RPH3AL: variants seen among roughly 807,000 people sequenced by gnomAD.
RPH3AL encodes the protein rab effector Noc2.
Under a neutral mutation model 43.1 loss-of-function variants are expected in RPH3AL, and 38 were observed. The ratio of observed to expected loss-of-function variants is 0.88; its 90% CI spans 0.68 to 1.15. RPH3AL has a LOEUF of 1.15. RPH3AL is among the 50% of genes most tolerant of loss of function. RPH3AL has a pLI of 0.00. For synonymous variants in RPH3AL, 189 were observed against 176.3 expected (o/e 1.07, Z -0.57); for missense variants, 462 against 423.2 (o/e 1.09, Z -0.81).
intron 7 of RPH3AL, among the ~76,000 whole-genome samples, chr17:229,038 A>G (rs1319575510): frequency 6.6e-6 from 1 of 152,200 alleles, no homozygotes; most frequent in East Asian, 1.9e-4. Context: ...GCAAATTTAA[A>G]AGGCTATACA....
In RPH3AL at chr17:286,359, T is replaced by C. The variant is rs116469307; in HGVS notation, c.352-4505A>G. Among the ~76,000 whole-genome samples, 986 of 152,250 alleles carry C rather than the reference T, an allele frequency of 6.5e-3. 18 individuals carry two copies. Among genetic ancestry groups the C allele is most frequent in the African/African-American group, 0.022 (918 of 41,538 alleles). On this transcript the variant is annotated intron_variant, in intron 5 of 9. Transcript: ENST00000331302. ...CGCCTCGGGCAGCCTGTTTTCCCGC[T>C]ACCAACCAACGCTGGCGGCACCTGG...
intron 4 of RPH3AL, 77 bp from the exon 5 acceptor site, chr17:319,626 C>A: frequency 6.4e-7 from 1 of 1,552,074 alleles, no homozygotes; most frequent in Non-Finnish European, 8.7e-7. Context: ...GAAACCGTAC[C>A]ATGCCACATG....
At chr17:248,254 C>A (rs998726173) in intron 6 of RPH3AL, among the ~76,000 whole-genome samples, 5 of 152,204 alleles carry the variant, frequency 3.3e-5, no homozygotes, top group African/African-American at 9.7e-5. Flanking sequence ...TTTGTCACTG[C>A]CCCTCGGGAG....
At chr17:316,493 CCT>C in intron 5 of RPH3AL, among the ~76,000 whole-genome samples, 1 of 150,662 alleles carries the variant, frequency 6.6e-6, no homozygotes, top group African/African-American at 2.4e-5. Context: ...CCTCCACTGA[CCT>C]GTAGTCTCTG....
chr17:255,763 T>A (rs1355468823), intron 6 of RPH3AL, among the ~76,000 whole-genome samples: 7 of 8,404 alleles, frequency 8.3e-4, no homozygotes, highest in African/African-American at 1.2e-3. Flanking sequence ...GTGACTACCC[T>A]ACGTACTTCC....
chr17:214,744 C>G (rs539340014), intron 9 of RPH3AL: 1 of 150,856 alleles, frequency 6.6e-6, no homozygotes, highest in Non-Finnish European at 1.5e-5. Context: ...CACTCCAGCC[C>G]GGGCAACAGC....
intron 5 of RPH3AL, among the ~76,000 whole-genome samples, chr17:300,945 G>A (rs1255462030): frequency 6.6e-6 from 1 of 152,188 alleles, no homozygotes; most frequent in African/African-American, 2.4e-5. Flanking sequence ...GCCTAGGCCT[G>A]CAGAATCTCT....
At chr17:303,125 G>A (rs2043371763) in intron 5 of RPH3AL, among the ~76,000 whole-genome samples, 1 of 152,214 alleles carries the variant, frequency 6.6e-6, no homozygotes, top group Non-Finnish European at 1.5e-5. Context: ...TATCGTTAAG[G>A]TTGGCGGCTC....
At chr17:342,546 T>C (rs971149567) in intron 1 of RPH3AL, among the ~76,000 whole-genome samples, 1 of 152,226 alleles carries the variant, frequency 6.6e-6, no homozygotes, top group Non-Finnish European at 1.5e-5. Flanking sequence ...GAAGTATCGA[T>C]TCATGCTACA....
In RPH3AL at chr17:323,823, G is replaced by A. The variant is rs1016869670; in HGVS notation, c.78-2408C>T. 1.1e-4 allele frequency among the ~76,000 whole-genome samples: 16 copies of A among 149,436 alleles called. No homozygotes were observed. The highest frequency in any genetic ancestry group is 2.2e-4 in the African/African-American group (9 of 40,448). On this transcript the variant is annotated intron_variant, in intron 3 of 9. Transcript: ENST00000331302. This position sits in a 1 kb window ranked among gnomAD's most constrained non-coding sequence, Gnocchi z 4.4. Reference sequence around the variant, plus strand: ...GCAGGCCCGGACCCTCCATCACCCCGCGAGACAGTCCAGACCCTCAGTCAC... The same window carrying A: ...GCAGGCCCGGACCCTCCATCACCCCACGAGACAGTCCAGACCCTCAGTCAC...
chr17:250,473 G>T (rs1441643736), intron 6 of RPH3AL, among the ~76,000 whole-genome samples: 1 of 135,336 alleles, frequency 7.4e-6, no homozygotes, highest in South Asian at 2.4e-4. Flanking sequence ...AAGTGCCATC[G>T]CTGTGGGACC....
chr17:227,170 G>T (rs1005420688), intron 7 of RPH3AL, among the ~76,000 whole-genome samples: 1 of 152,220 alleles, frequency 6.6e-6, no homozygotes, highest in Non-Finnish European at 1.5e-5. Context: ...CAGAAGGGCT[G>T]CCTGCTTGCC....
intron 6 of RPH3AL, among the ~76,000 whole-genome samples, chr17:279,991 G>A (rs2042739927): frequency 6.6e-6 from 1 of 152,234 alleles, no homozygotes; most frequent in Non-Finnish European, 1.5e-5. Context: ...CAGAATGCTA[G>A]CACACACTGT....
At chr17:255,932 G>A (rs1480031409) in intron 6 of RPH3AL, among the ~76,000 whole-genome samples, 1 of 38,560 alleles carries the variant, frequency 2.6e-5, no homozygotes, top group African/African-American at 8.8e-5. Flanking sequence ...CACGGCGTCT[G>A]TCCTTTTCCA....
intron 8 of RPH3AL, chr17:216,006 T>G (rs1250671106): frequency 3.2e-6 from 1 of 316,678 alleles, no homozygotes; most frequent in African/African-American, 3.5e-5. Flanking sequence ...GGCTCTGGCC[T>G]GACCCCACCC....
chr17:226,431 G>A (rs549892703), intron 7 of RPH3AL, among the ~76,000 whole-genome samples: 5 of 152,388 alleles, frequency 3.3e-5, no homozygotes, highest in African/African-American at 1.2e-4. Flanking sequence ...TGCTCACTGT[G>A]TTGGGATTTC....
At chr17:313,551 G>A (rs544904422) in intron 5 of RPH3AL, among the ~76,000 whole-genome samples, 1 of 152,152 alleles carries the variant, frequency 6.6e-6, no homozygotes, top group Non-Finnish European at 1.5e-5. Flanking sequence ...GCTGTTGCTT[G>A]TGTTTGGGCC....
At position 236,837 on chromosome 17, in the gene RPH3AL, C is replaced by T. The variant is rs563324592; in HGVS notation, c.613+10274G>A. ...CGTCGAGAACTGAGCGACAGCCTGACGCTGCACGGCTTCCGCCACGGGCGG... is the reference window on the plus strand; with the variant it reads ...CGTCGAGAACTGAGCGACAGCCTGATGCTGCACGGCTTCCGCCACGGGCGG... On this transcript the variant is annotated intron_variant, in intron 7 of 9. Coordinates refer to ENST00000331302, the MANE Select transcript of RPH3AL (RefSeq NM_006987.4). Among the ~76,000 whole-genome samples, 4 of 152,402 alleles carry T rather than the reference C, an allele frequency of 2.6e-5. No individual in the cohort carries two copies. The East Asian group carries it at 5.8e-4, about 22-fold the overall frequency.
At chr17:258,655 C>T (rs2042124996) in intron 6 of RPH3AL, among the ~76,000 whole-genome samples, 2 of 152,154 alleles carry the variant, frequency 1.3e-5, no homozygotes, top group African/African-American at 4.8e-5. Context: ...CCACTCAATT[C>T]CTGCTCAGTG....
Sources: allele counts gnomAD v4.1 joint callset (sites outside exome capture counted in the v4.1 genomes callset), GRCh38; gene constraint gnomAD v4.1.1; non-coding constraint Gnocchi (gnomAD v3.1); transcripts MANE v1.5; gene names NCBI Gene and HGNC (gene_info 2026-07-23, HGNC 2026-07-21).